The following NAALADL2 variants were observed in gnomAD, a reference collection of about 807,000 sequenced individuals.
The protein encoded by NAALADL2 is inactive N-acetylated-alpha-linked acidic dipeptidase-like protein 2.
A neutral mutation model predicts 87.2 loss-of-function variants in NAALADL2; 76 were observed. The ratio of observed to expected loss-of-function variants is 0.87; its 90% CI spans 0.72 to 1.05. The LOEUF (loss-of-function observed/expected upper bound fraction) is 1.05. NAALADL2 is among the 50% of genes least tolerant of loss of function. The probability of loss-of-function intolerance (pLI) is 0.00; values close to 1 mark genes in which losing one functional copy is unlikely to be tolerated. For synonymous variants in NAALADL2, 354 were observed against 331.0 expected (o/e 1.07, Z -0.75); for missense variants, 1,089 against 945.8 (o/e 1.15, Z -1.99).
chr3:174,971,640 C>T (rs1429752537), intron 1 of NAALADL2, among the ~76,000 whole-genome samples: 1 of 150,212 alleles, frequency 6.7e-6, no homozygotes, highest in Admixed American at 6.7e-5. Context: ...TAGGTGCCTT[C>T]AACTCAAACA....
intron 3 of NAALADL2, among the ~76,000 whole-genome samples, chr3:174,767,636 C>T (rs1713993678): frequency 6.6e-6 from 1 of 152,114 alleles, no homozygotes; most frequent in Non-Finnish European, 1.5e-5. Context: ...CATGGCTTAC[C>T]ACATTTACGT....
At chr3:175,116,036 C>G (rs529729753) in intron 2 of NAALADL2, among the ~76,000 whole-genome samples, 3 of 151,840 alleles carry the variant, frequency 2.0e-5, no homozygotes, top group African/African-American at 7.2e-5. Context: ...AATTCAACAG[C>G]CTTCATGCAA....
chr3:174,711,798 G>T (rs1730660196), intron 2 of NAALADL2, among the ~76,000 whole-genome samples: 1 of 152,096 alleles, frequency 6.6e-6, no homozygotes, highest in Non-Finnish European at 1.5e-5. Flanking sequence ...ATAAACATAT[G>T]AATTTTTGTT....
chr3:175,036,340 G>A (rs1753404277), intron 1 of NAALADL2, among the ~76,000 whole-genome samples: 1 of 151,756 alleles, frequency 6.6e-6, no homozygotes, highest in Non-Finnish European at 1.5e-5. Context: ...TTTAATTTCT[G>A]CTCATTTTTG....
chr3:175,693,317 A>C (rs1471338863), intron 11 of NAALADL2, among the ~76,000 whole-genome samples: 1 of 152,130 alleles, frequency 6.6e-6, no homozygotes. Context: ...ATTCCCCTAC[A>C]CTAAATTGTG....
intron 11 of NAALADL2, among the ~76,000 whole-genome samples, chr3:175,732,528 AT>A (rs1743912763): frequency 6.6e-6 from 1 of 152,124 alleles, no homozygotes; most frequent in Non-Finnish European, 1.5e-5. Context: ...CTGACAAACA[AT>A]GAGATTTCCA....
intron 13 of NAALADL2, among the ~76,000 whole-genome samples, chr3:175,788,206 A>G (rs1171951981): frequency 6.7e-6 from 1 of 149,178 alleles, no homozygotes; most frequent in African/African-American, 2.5e-5. Flanking sequence ...TGATCCTCCC[A>G]ACTTAGCCCC....
chr3:175,441,240 G>A (rs970152154), intron 5 of NAALADL2, among the ~76,000 whole-genome samples: 8 of 152,110 alleles, frequency 5.3e-5, no homozygotes, highest in South Asian at 2.1e-4. Context: ...AATTTTCTCC[G>A]TGATGAGTAC....
At position 175,612,104 on chromosome 3, in the gene NAALADL2, C is replaced by T. The variant is rs186070249; in HGVS notation, c.1801-15187C>T. 1.2e-3 allele frequency among the ~76,000 whole-genome samples: 176 copies of T among 152,170 alleles called. 2 individuals are homozygous for T. Among genetic ancestry groups the T allele is most frequent in the African/African-American group, 4.0e-3 (166 of 41,532 alleles). On this transcript the variant is annotated intron_variant, in intron 10 of 13. Coordinates refer to ENST00000454872, the MANE Select transcript of NAALADL2 (RefSeq NM_207015.3). ...GAAAAATAAAGACTTGCATTTAGCC[C>T]TTGGTAAGTAGTAGCAGGAATAGAA...
intron 1 of NAALADL2, among the ~76,000 whole-genome samples, chr3:175,022,574 T>C (rs1432974589): frequency 6.6e-6 from 1 of 152,062 alleles, no homozygotes; most frequent in Non-Finnish European, 1.5e-5. Flanking sequence ...CTGCTCCCTA[T>C]AGCCATGGCT....
chr3:175,050,536 A>C (rs1450884964), intron 1 of NAALADL2, among the ~76,000 whole-genome samples: 1 of 152,100 alleles, frequency 6.6e-6, no homozygotes, highest in Non-Finnish European at 1.5e-5. Flanking sequence ...CTTCATTTCA[A>C]AGTTTGATGT....
intron 4 of NAALADL2, among the ~76,000 whole-genome samples, chr3:175,264,321 T>C (rs1751570932): frequency 6.6e-6 from 1 of 151,824 alleles, no homozygotes; most frequent in Non-Finnish European, 1.5e-5. Flanking sequence ...AATCTGAAAA[T>C]GCATGCATGA....
At chr3:174,799,530 A>G (rs930546642) in intron 3 of NAALADL2, among the ~76,000 whole-genome samples, 6 of 152,206 alleles carry the variant, frequency 3.9e-5, no homozygotes, top group African/African-American at 1.2e-4. Context: ...GCCTTCCACC[A>G]TGACTGTGAA....
At chr3:175,724,099 A>T (rs1742606183) in intron 11 of NAALADL2, among the ~76,000 whole-genome samples, 1 of 152,152 alleles carries the variant, frequency 6.6e-6, no homozygotes, top group South Asian at 2.1e-4. Context: ...CTGTTGAATT[A>T]TATGTAGGGG....
intron 1 of NAALADL2, among the ~76,000 whole-genome samples, chr3:175,057,078 TAGGG>T (rs1712363851): frequency 6.6e-6 from 1 of 152,150 alleles, no homozygotes; most frequent in Non-Finnish European, 1.5e-5. Flanking sequence ...TACTTTGAAA[TAGGG>T]AGGACACGAC....
At chr3:174,461,691 A>G (rs114980976) in intron 1 of NAALADL2, among the ~76,000 whole-genome samples, 1,732 of 152,226 alleles carry the variant, frequency 0.011, 36 homozygotes, top group African/African-American at 0.04. Flanking sequence ...GAAAATAGCC[A>G]TGAAATATGA....
At chr3:174,987,364 T>C (rs1746019219) in intron 1 of NAALADL2, among the ~76,000 whole-genome samples, 1 of 150,604 alleles carries the variant, frequency 6.6e-6, no homozygotes, top group Admixed American at 6.6e-5. Flanking sequence ...GGTCAGGAGA[T>C]CGAGACCATC....
intron 11 of NAALADL2, among the ~76,000 whole-genome samples, chr3:175,645,957 TG>T (rs1354955898): frequency 1.3e-5 from 2 of 152,150 alleles, no homozygotes; most frequent in Non-Finnish European, 2.9e-5. Flanking sequence ...ATTGGTTCAG[TG>T]GTCTGACAGT....
At chr3:175,376,002 T>G (rs1390684268) in intron 5 of NAALADL2, among the ~76,000 whole-genome samples, 1 of 152,144 alleles carries the variant, frequency 6.6e-6, no homozygotes, top group African/African-American at 2.4e-5. Context: ...TGTTTTTCTA[T>G]TTCATATATA....
Sources: allele counts gnomAD v4.1 joint callset (sites outside exome capture counted in the v4.1 genomes callset), GRCh38; gene constraint gnomAD v4.1.1; transcripts MANE v1.5; gene names NCBI Gene and HGNC (gene_info 2026-07-23, HGNC 2026-07-21).